Variants in MYO18B observed in about 807,000 individuals in gnomAD.
MYO18B encodes the protein unconventional myosin-XVIIIb.
MYO18B carries 204 observed loss-of-function variants against 273.0 expected under a neutral mutation model. The observed-to-expected ratio is 0.75, with a 90% confidence interval of 0.67 to 0.84. The LOEUF (loss-of-function observed/expected upper bound fraction) is 0.84. Among genes scored for constraint, MYO18B ranks in the 40% least tolerant of loss-of-function variants. MYO18B has a pLI of 0.00. For synonymous variants in MYO18B, 1,330 were observed against 1,305.7 expected, an observed-to-expected ratio of 1.02 and a Z score of -0.40; for missense variants, 3,212 against 3,287.6, an observed-to-expected ratio of 0.98 and a Z score of 0.56.
intron 6 of MYO18B, 32 bp from the exon 7 acceptor site, chr22:25,772,302 G>T (rs929601943): frequency 1.9e-6 from 3 of 1,600,828 alleles, no homozygotes; most frequent in Non-Finnish European, 2.6e-6. Context: ...AGGCCAGAAG[G>T]CCAGAGGAGA....
At chr22:26,000,447 C>G (rs1003766047) in intron 40 of MYO18B, among the ~76,000 whole-genome samples, 1 of 152,222 alleles carries the variant, frequency 6.6e-6, no homozygotes, top group East Asian at 1.9e-4. Flanking sequence ...CCATGGTATA[C>G]AAACTCAAGT....
chr22:26,041,882 C>T, the MYO18B span, among the ~76,000 whole-genome samples: 1 of 152,228 alleles, frequency 6.6e-6, no homozygotes, highest in Non-Finnish European at 1.5e-5. Flanking sequence ...TGGCAGGTGA[C>T]ATGCCCAGCT....
intron 40 of MYO18B, among the ~76,000 whole-genome samples, chr22:25,994,029 A>G (rs1407094145): frequency 2.0e-5 from 3 of 152,100 alleles, no homozygotes; most frequent in African/African-American, 2.4e-5. Context: ...TACTCCATAC[A>G]CCTAATTTTA....
In MYO18B at chr22:26,027,884, T is replaced by C. The variant is rs1217373068; in HGVS notation, c.*12+194T>C. 3 of 553,576 alleles carry C rather than the reference T, an allele frequency of 5.4e-6. No individual in the cohort carries two copies. 34.3% of individuals were successfully genotyped at this position (553,576 alleles called of 1,614,324 possible). The stretch of plus-strand genomic sequence containing the variant: ...GAACCCCTCTGCTGGGTACCTCTAC[T>C]TCCTTGTACTTTGAAATGCAGACAC... On this transcript the variant is annotated intron_variant, in intron 43 of 43. Coordinates refer to ENST00000335473, the MANE Select transcript of MYO18B (RefSeq NM_032608.7). This position sits in a 1 kb window ranked among gnomAD's most constrained non-coding sequence, Gnocchi z 4.1.
At chr22:25,872,664 C>CT (rs60248500) in intron 22 of MYO18B, among the ~76,000 whole-genome samples, 11,498 of 149,226 alleles carry the variant, frequency 0.077, 609 homozygotes, top group African/African-American at 0.15. Flanking sequence ...GGGCCAATGC[C>CT]TTTTTTTTTT....
intron 42 of MYO18B, among the ~76,000 whole-genome samples, chr22:26,008,455 T>G (rs979624942): frequency 1.1e-4 from 16 of 152,192 alleles, no homozygotes; most frequent in Non-Finnish European, 2.1e-4. Context: ...CCCATTTGAC[T>G]GAGAAAGAAG....
chr22:25,785,042 A>G (rs1268339734), intron 10 of MYO18B, among the ~76,000 whole-genome samples: 2 of 152,136 alleles, frequency 1.3e-5, no homozygotes, highest in Non-Finnish European at 2.9e-5. Flanking sequence ...ATTTGTACCC[A>G]TGGAGTGGGG....
chr22:25,864,305 G>T (rs770849625), intron 21 of MYO18B, among the ~76,000 whole-genome samples: 1 of 152,148 alleles, frequency 6.6e-6, no homozygotes, highest in South Asian at 2.1e-4. Context: ...CCAATTTCCA[G>T]AGTATTGAAC....
rs1360390122 is a variant in MYO18B at position 25,898,489 on chromosome 22, G to T, written c.4823+28G>T. The T allele has an allele frequency of 3.1e-6, 5 of 1,608,742 alleles. No individual in the cohort carries two copies. The African/African-American group carries it at 6.7e-5, about 22-fold the overall frequency. ...GAGTTGCATCTCTCACCATCACCTG[G>T]GCTGCCAGGGTGGGCTACATTGGAG... On this transcript the variant is annotated intron_variant, in intron 29 of 43. Transcript: ENST00000335473.
At chr22:25,942,206 A>G (rs2092652379) in intron 34 of MYO18B, among the ~76,000 whole-genome samples, 1 of 152,212 alleles carries the variant, frequency 6.6e-6, no homozygotes, top group African/African-American at 2.4e-5. Flanking sequence ...TCCAGTGCCC[A>G]AGCTCTGAAC....
At chr22:25,957,912 C>CTTTTT (rs1330432024) in intron 39 of MYO18B, among the ~76,000 whole-genome samples, 1 of 128,902 alleles carries the variant, frequency 7.8e-6, no homozygotes. Context: ...AACGCTTTTG[C>CTTTTT]TTTTTTTTTT....
intron 11 of MYO18B, among the ~76,000 whole-genome samples, chr22:25,789,075 CCTT>C: frequency 1.3e-4 from 1 of 7,964 alleles, no homozygotes; most frequent in East Asian, 1.1e-3. Context: ...TCCTCCTCCT[CCTT>C]CTTCTTCCTC....
In MYO18B at chr22:25,955,105, T is replaced by C. The variant is rs928113212; in HGVS notation, c.5971-74T>C. Reference sequence around the variant, plus strand: ...CACAGGAAACTCGGCAAAGGATTTATCTTCCTGAGGCTCCCTTGTTTCATA... The same window carrying C: ...CACAGGAAACTCGGCAAAGGATTTACCTTCCTGAGGCTCCCTTGTTTCATA... On this transcript the variant is annotated intron_variant, in intron 38 of 43. Transcript: ENST00000335473. The C allele has an allele frequency of 5.7e-6, 8 of 1,412,638 alleles. No homozygotes were observed. In the African/African-American group the frequency reaches 1.2e-4, roughly 20 times the overall value. The allele number at this position is 1,412,638 out of a possible 1,614,324, so 87.5% of individuals were successfully genotyped here.
At chr22:25,746,714 G>A (rs1251017123) in intron 1 of MYO18B, among the ~76,000 whole-genome samples, 3 of 152,292 alleles carry the variant, frequency 2.0e-5, no homozygotes, top group East Asian at 3.9e-4. Context: ...CAACTGAGAC[G>A]CTAAATTTTT....
chr22:25,770,906 C>T lies in MYO18B; in HGVS notation c.1614C>T (p.Asp538=). ...TVLKPDEGTA[D]LPAGRVRLWI... ...TAAAGCCAGATGAGGGAACAGCAGA[C>T]CTGCCAGCAGGAAGGGTGAGACTTT... The change falls in exon 6 of 44, where the codon GAC becomes GAT. Residue 538 remains aspartate (D), a synonymous_variant. Transcript: ENST00000335473. The T allele has an allele frequency of 6.4e-7, 1 of 1,552,098 alleles. No individual in the cohort carries two copies. The highest frequency in any genetic ancestry group is 8.7e-7 in the Non-Finnish European group (1 of 1,147,154).
the MYO18B span, among the ~76,000 whole-genome samples, chr22:26,044,201 G>A: frequency 2.2e-3 from 342 of 152,238 alleles, 2 homozygotes; most frequent in African/African-American, 7.9e-3. Context: ...CCAGTTGTAA[G>A]AATTCTTTAT....
chr22:25,866,815 T>C lies in MYO18B; in HGVS notation c.3886-1505T>C, dbSNP rs1010993091. Among the ~76,000 whole-genome samples the C allele has an allele frequency of 1.5e-3, 178 of 118,866 alleles. 1 individual carries two copies. The highest frequency in any genetic ancestry group is 8.4e-4 in the Non-Finnish European group (47 of 55,916). 78.0% of individuals were successfully genotyped at this position (118,866 alleles called of 152,430 possible). A position where few individuals can be genotyped will look rare whatever the true frequency, so the allele number is the denominator to read the frequency against. ...AAAAAAAAAAAAAAAAAAAAAAGAATAGTACTATAGTGCGTACAGAAAACA... is the reference window on the plus strand; with the variant it reads ...AAAAAAAAAAAAAAAAAAAAAAGAACAGTACTATAGTGCGTACAGAAAACA... On this transcript the variant is annotated intron_variant, in intron 21 of 43. Coordinates refer to ENST00000335473, the MANE Select transcript of MYO18B (RefSeq NM_032608.7).
chr22:25,850,366 C>G (rs754078977), intron 20 of MYO18B, among the ~76,000 whole-genome samples: 2 of 152,084 alleles, frequency 1.3e-5, no homozygotes, highest in African/African-American at 4.8e-5. Flanking sequence ...TGGCTACTCT[C>G]CGCTGCCTGG....
At chr22:25,828,667 C>T (rs1463784158) in intron 14 of MYO18B, 109 bp from the exon 15 acceptor site, 57 of 1,056,708 alleles carry the variant, frequency 5.4e-5, no homozygotes, top group Non-Finnish European at 3.2e-5. Context: ...GTCACACAGC[C>T]TGTAAGAGGT....
Sources: allele counts gnomAD v4.1 joint callset (sites outside exome capture counted in the v4.1 genomes callset), GRCh38; gene constraint gnomAD v4.1.1; non-coding constraint Gnocchi (gnomAD v3.1); transcripts MANE v1.5; gene names NCBI Gene and HGNC (gene_info 2026-07-23, HGNC 2026-07-21).